Variants in PDE9A observed in about 807,000 individuals in gnomAD.
The protein encoded by PDE9A is phosphodiesterase 9A, also known as high affinity cGMP-specific 3',5'-cyclic phosphodiesterase 9A.
PDE9A carries 60 observed loss-of-function variants against 87.4 expected under a neutral mutation model. The ratio of observed to expected loss-of-function variants is 0.69; its 90% confidence interval spans 0.56 to 0.85. The LOEUF is 0.85. Among genes scored for constraint, PDE9A ranks in the 40% least tolerant of loss-of-function variants. The probability of loss-of-function intolerance (pLI) is 0.00; values close to 1 mark genes in which losing one functional copy is unlikely to be tolerated. For synonymous variants in PDE9A, 272 were observed against 279.4 expected (o/e 0.97, Z 0.27); for missense variants, 665 against 779.0 (o/e 0.85, Z 1.74).
intron 1 of PDE9A, among the ~76,000 whole-genome samples, chr21:42,670,785 A>G (rs2058517104): frequency 6.6e-6 from 1 of 152,052 alleles, no homozygotes; most frequent in Non-Finnish European, 1.5e-5. Context: ...TCTGACACAC[A>G]TATACATACA....
chr21:42,758,238 A>G (rs1466266286), intron 10 of PDE9A: 1 of 152,290 alleles, frequency 6.6e-6, no homozygotes, highest in Non-Finnish European at 1.5e-5. Flanking sequence ...TAACTTAATT[A>G]GCTCCAAAGC....
intron 8 of PDE9A, among the ~76,000 whole-genome samples, chr21:42,745,229 G>C (rs1219095313): frequency 6.6e-6 from 1 of 152,184 alleles, no homozygotes; most frequent in Non-Finnish European, 1.5e-5. Flanking sequence ...GCCTGGCCTC[G>C]GGGTGGGCGC....
At chr21:42,683,698 C>T (rs1356132389) in intron 1 of PDE9A, among the ~76,000 whole-genome samples, 1 of 152,236 alleles carries the variant, frequency 6.6e-6, no homozygotes, top group Non-Finnish European at 1.5e-5. Context: ...TCCCAAGAGA[C>T]TGCGATTCCG....
Position 42,740,480 on chromosome 21 carries a change from A to C in PDE9A, c.569-3296A>C, listed in dbSNP as rs749186478. On this transcript the variant is annotated intron_variant, in intron 7 of 19. Transcript: ENST00000291539. The stretch of plus-strand genomic sequence containing the variant: ...AAGAAAAGAAAAGAAAGATAGGTAG[A>C]TACATAGAATGGGTGGATAGAGAGA... 3.3e-5 allele frequency among the ~76,000 whole-genome samples: 5 copies of C among 151,992 alleles called. 1 individual carries two copies. Among genetic ancestry groups the C allele is most frequent in the Middle Eastern group, 3.4e-3 (1 of 294 alleles).
chr21:42,765,987 C>G (rs529966578), intron 15 of PDE9A, among the ~76,000 whole-genome samples: 3 of 152,316 alleles, frequency 2.0e-5, no homozygotes, highest in Admixed American at 2.0e-4. Flanking sequence ...AGAAGGTGCA[C>G]TTAGGTTGCC....
rs377522353 is a variant in PDE9A, at chr21:42,760,285, C to T, written c.898-43C>T. 68 of 1,192,264 alleles carry T rather than the reference C, an allele frequency of 5.7e-5. No individual in the cohort carries two copies. The highest frequency in any genetic ancestry group is 2.5e-4 in the African/African-American group (17 of 68,292). 73.9% of individuals were successfully genotyped at this position (1,192,264 alleles called of 1,614,324 possible). On this transcript the variant is annotated intron_variant, in intron 11 of 19. Transcript: ENST00000291539. The surrounding 1 kb of genome is among the most constrained non-coding windows in gnomAD (Gnocchi z 5.2). ...GGGTGGCTTTGGGAGGAGAGGTGGGCGGGCCCAGGCACAGGGTGACTCGGA... is the reference window on the plus strand; with the variant it reads ...GGGTGGCTTTGGGAGGAGAGGTGGGTGGGCCCAGGCACAGGGTGACTCGGA...
chr21:42,670,319 C>CA (rs2058401038), intron 1 of PDE9A, among the ~76,000 whole-genome samples: 8 of 115,266 alleles, frequency 6.9e-5, no homozygotes, highest in African/African-American at 4.2e-4. Context: ...AGACACCACA[C>CA]TCACATTCAC....
intron 3 of PDE9A, among the ~76,000 whole-genome samples, chr21:42,691,315 C>T (rs2059823698): frequency 6.6e-6 from 1 of 150,574 alleles, no homozygotes; most frequent in Non-Finnish European, 1.5e-5. Context: ...CGCATCCTGT[C>T]ACTATCACCA....
chr21:42,726,063 G>A (rs1426201467), intron 4 of PDE9A, among the ~76,000 whole-genome samples: 2 of 152,112 alleles, frequency 1.3e-5, no homozygotes, highest in African/African-American at 4.8e-5. Flanking sequence ...TTTCCTAATG[G>A]CCGAGTGGCT....
At chr21:42,656,506 G>A (rs372531441) in intron 1 of PDE9A, among the ~76,000 whole-genome samples, 11 of 152,256 alleles carry the variant, frequency 7.2e-5, no homozygotes, top group African/African-American at 2.2e-4. Flanking sequence ...AGCAAGTGCC[G>A]GTGTCTCCTG....
At chr21:42,743,728 C>T (rs758151388) in intron 7 of PDE9A, 48 bp from the exon 8 acceptor site, 25 of 1,204,764 alleles carry the variant, frequency 2.1e-5, no homozygotes, top group Non-Finnish European at 2.5e-5. Flanking sequence ...AGAGATCCTC[C>T]ACATTCGTCC....
chr21:42,743,488 G>A (rs1032760588), intron 7 of PDE9A, among the ~76,000 whole-genome samples: 2 of 152,212 alleles, frequency 1.3e-5, no homozygotes, highest in African/African-American at 4.8e-5. Context: ...TGAGATTCAG[G>A]GAGTGGAGAG....
chr21:42,769,134 A>G lies in PDE9A; in HGVS notation c.1569A>G (p.Pro523=). 1 of 1,613,748 alleles carries G rather than the reference A, an allele frequency of 6.2e-7. No homozygotes were observed. The highest frequency in any genetic ancestry group is 8.5e-7 in the Non-Finnish European group (1 of 1,179,736). Residue 523 remains proline, a synonymous_variant, in exon 17 of 20, where the codon CCA becomes CCG. Coordinates refer to ENST00000291539, the MANE Select transcript of PDE9A (RefSeq NM_002606.3). ...GGTTCATCAAGTTTGTCCTGATCCC[A>G]ATGTTTGAAACAGTGACCAAGGTGA... The part of the protein sequence containing the change: ...QIGFIKFVLI[P]MFETVTKLFP...
chr21:42,666,060 C>T (rs77505861), intron 1 of PDE9A, among the ~76,000 whole-genome samples: 2,151 of 152,322 alleles, frequency 0.014, 50 homozygotes, highest in African/African-American at 0.048. Flanking sequence ...CAGGCCCTGA[C>T]ATCTAAAAAG....
Position 42,760,799 on chromosome 21 carries a change from C to A in PDE9A, c.1003-26C>A. 19 of 1,325,220 alleles carry A rather than the reference C, an allele frequency of 1.4e-5. No individual in the cohort carries two copies. Among genetic ancestry groups the A allele is most frequent in the Non-Finnish European group, 1.6e-5 (15 of 921,464 alleles). 82.1% of individuals were successfully genotyped at this position (1,325,220 alleles called of 1,614,324 possible). ...CCACCCTCCGAGTGAAGAGAGCAAACACCTACGCCCTGTTTTCCAATCCAG... is the reference window on the plus strand; with the variant it reads ...CCACCCTCCGAGTGAAGAGAGCAAAAACCTACGCCCTGTTTTCCAATCCAG... On this transcript the variant is annotated intron_variant, in intron 12 of 19. Transcript: ENST00000291539. This position sits in a 1 kb window ranked among gnomAD's most constrained non-coding sequence, Gnocchi z 5.2.
intron 4 of PDE9A, among the ~76,000 whole-genome samples, chr21:42,721,466 AG>A (rs1312823023): frequency 6.6e-6 from 1 of 152,218 alleles, no homozygotes; most frequent in Non-Finnish European, 1.5e-5. Context: ...ATCCCTTGGC[AG>A]GCAGGACAGG....
In PDE9A at chr21:42,762,203, C is replaced by T. The variant is rs770779351; in HGVS notation, c.1206C>T (p.Ser402=). Residue 402 remains serine, a synonymous_variant, in exon 14 of 20, where the codon TCC becomes TCT. Transcript: ENST00000291539. ...ILAEPECNIF[S]NIPPDGFKQI... ...CCGAGCCTGAGTGCAACATCTTCTC[C>T]AACATCCCACCTGATGGGTTCAAGC... The T allele has an allele frequency of 1.9e-6, 3 of 1,614,028 alleles. No homozygotes were observed. Among genetic ancestry groups the T allele is most frequent in the African/African-American group, 1.3e-5 (1 of 74,938 alleles).
chr21:42,742,118 G>A (rs1362999056), intron 7 of PDE9A, among the ~76,000 whole-genome samples: 2 of 152,122 alleles, frequency 1.3e-5, no homozygotes, highest in African/African-American at 2.4e-5. Flanking sequence ...ACGCTCGCTC[G>A]GAGGCATAAG....
Position 42,770,713 on chromosome 21 carries a change from T to A in PDE9A, c.1601T>A (p.Met534Lys). Residue 534 changes from methionine to lysine, a missense_variant, in exon 18 of 20, where the codon ATG (methionine) becomes AAG (lysine). Transcript: ENST00000291539. The stretch of plus-strand genomic sequence containing the variant: ...GTGTGTCTCTCCCAGCTCTTCCCCA[T>A]GGTTGAGGAGATCATGCTGCAGCCA... ...MFETVTKLFP[M>K]VEEIMLQPLW... 2 of 1,611,786 alleles carry A rather than the reference T, an allele frequency of 1.2e-6. No homozygotes were observed. Among genetic ancestry groups the A allele is most frequent in the South Asian group, 1.1e-5 (1 of 91,042 alleles).
Sources: allele counts gnomAD v4.1 joint callset (sites outside exome capture counted in the v4.1 genomes callset), GRCh38; gene constraint gnomAD v4.1.1; non-coding constraint Gnocchi (gnomAD v3.1); transcripts MANE v1.5; gene names NCBI Gene and HGNC (gene_info 2026-07-23, HGNC 2026-07-21).